Variants in CCT8 observed in about 807,000 individuals in gnomAD.
The protein encoded by CCT8 is T-complex protein 1 subunit theta.
CCT8 carries 10 observed loss-of-function variants against 65.7 expected under a neutral mutation model. The ratio of observed to expected loss-of-function variants is 0.15; its 90% CI spans 0.09 to 0.26. The LOEUF (loss-of-function observed/expected upper bound fraction) is 0.26, where lower values mean the gene tolerates loss of function less well. Among genes scored for constraint, CCT8 ranks in the 10% least tolerant of loss-of-function variants. The probability of loss-of-function intolerance (pLI) is 1.00; values close to 1 mark genes in which losing one functional copy is unlikely to be tolerated. For synonymous variants in CCT8, 199 were observed against 221.8 expected (o/e 0.90, Z 0.92); for missense variants, 568 against 669.1 (o/e 0.85, Z 1.67).
chr21:29,073,297 T>G, intron 1 of CCT8: 1 of 1,402,438 alleles, frequency 7.1e-7, no homozygotes, highest in Non-Finnish European at 9.3e-7. Context: ...AGGTGTACAA[T>G]GTCGATCGTG....
chr21:29,067,979 CCATAT>C (rs2085642397), intron 3 of CCT8, among the ~76,000 whole-genome samples: 2 of 152,130 alleles, frequency 1.3e-5, no homozygotes, highest in Non-Finnish European at 1.5e-5. Flanking sequence ...ATATGTTTCA[CCATAT>C]CATATTTCAC....
chr21:29,067,557 T>G lies in CCT8; in HGVS notation c.380A>C (p.Glu127Ala). ...ELLRIGLSVS[E>A]VIEGYEIACR... ...AGTAAATTATAAATGAACACTTGCC[T>G]CTGAAACTGACAGGCCAATCCTCAG... The change falls in exon 4 of 15, where the codon GAG becomes GCG. Residue 127 changes from glutamate (E) to alanine (A), a missense_variant and splice_region_variant. By Grantham distance (107) the Glu-to-Ala change is moderately radical. Transcript: ENST00000286788. 1 of 1,460,596 alleles carries G rather than the reference T, an allele frequency of 6.8e-7. No homozygotes were observed. The highest frequency in any genetic ancestry group is 9.0e-7 in the Non-Finnish European group (1 of 1,111,682). 90.5% of individuals were successfully genotyped at this position (1,460,596 alleles called of 1,614,324 possible). A position where few individuals can be genotyped will look rare whatever the true frequency, so the allele number is the denominator to read the frequency against.
At chr21:29,066,862 G>A in intron 5 of CCT8, 29 bp downstream of exon 5, 1 of 1,586,082 alleles carries the variant, frequency 6.3e-7, no homozygotes, top group Non-Finnish European at 8.6e-7. Flanking sequence ...TTTTATTTTG[G>A]ATCTTTTCAT....
At chr21:29,066,822 A>G (rs1415404041) in intron 5 of CCT8, 45 bp from the exon 6 acceptor site, 1 of 1,579,032 alleles carries the variant, frequency 6.3e-7, no homozygotes, top group Non-Finnish European at 8.6e-7. Flanking sequence ...TTGGGACAAC[A>G]GAGAAAGTAT....
rs1317404230 is a variant in CCT8, at chr21:29,067,719, T to A, written c.232-14A>T. Reference sequence around the variant, plus strand: ...AGGATGCTGTACCTAGTAGAAAAGGTAATATCAAGTTAAACATCTGATCCT... The same window carrying A: ...AGGATGCTGTACCTAGTAGAAAAGGAAATATCAAGTTAAACATCTGATCCT... On this transcript the variant is annotated splice_polypyrimidine_tract_variant and intron_variant, in intron 3 of 14. Coordinates refer to ENST00000286788, the MANE Select transcript of CCT8 (RefSeq NM_006585.4). 1 of 1,338,920 alleles carries A rather than the reference T, an allele frequency of 7.5e-7. No individual in the cohort carries two copies. Among genetic ancestry groups the A allele is most frequent in the East Asian group, 2.8e-5 (1 of 35,798 alleles). The allele number at this position is 1,338,920 out of a possible 1,614,324, so 82.9% of individuals were successfully genotyped here. A position where few individuals can be genotyped will look rare whatever the true frequency, so the allele number is the denominator to read the frequency against.
At position 29,062,330 on chromosome 21, in the gene CCT8, T is replaced by G. The variant is rs1464754822; in HGVS notation, c.1094A>C (p.His365Pro). 6.2e-7 allele frequency: 1 copy of G among 1,612,732 alleles called. No individual in the cohort carries two copies. Among genetic ancestry groups the G allele is most frequent in the Admixed American group, 1.7e-5 (1 of 60,034 alleles). The change falls in exon 10 of 15, where the codon CAT becomes CCT. Residue 365 changes from histidine to proline, a missense_variant and splice_region_variant. Transcript: ENST00000286788. ...CATGTTTTACCATTCCTACATACCATGCTTAAAAACCACCACCTGAGTATC... is the reference window on the plus strand; with the variant it reads ...CATGTTTTACCATTCCTACATACCAGGCTTAAAAACCACCACCTGAGTATC... ...VGDTQVVVFK[H>P]EKEDGAISTI...
chr21:29,061,876 AAAC>A (rs2085567939), intron 11 of CCT8, among the ~76,000 whole-genome samples: 1 of 152,210 alleles, frequency 6.6e-6, no homozygotes, highest in African/African-American at 2.4e-5. Context: ...TTACAATGGA[AAAC>A]AACGATAAAC....
chr21:29,071,374 G>A (rs1242743982), intron 1 of CCT8, among the ~76,000 whole-genome samples: 1 of 151,852 alleles, frequency 6.6e-6, no homozygotes, highest in African/African-American at 2.4e-5. Flanking sequence ...CCAAAACCAA[G>A]GTTAATAGCC....
At chr21:29,068,553 A>T (rs1372113713) in intron 3 of CCT8, among the ~76,000 whole-genome samples, 1 of 151,950 alleles carries the variant, frequency 6.6e-6, no homozygotes, top group African/African-American at 2.4e-5. Flanking sequence ...TCCGCCTCCC[A>T]GGTTCAAGCA....
intron 11 of CCT8, 85 bp from the exon 12 acceptor site, chr21:29,061,652 A>G: frequency 1.6e-6 from 2 of 1,252,678 alleles, no homozygotes; most frequent in Non-Finnish European, 2.3e-6. Context: ...ATCTTTTCAC[A>G]TTCCAGTACC....
chr21:29,068,523 G>C (rs918600708), intron 3 of CCT8, among the ~76,000 whole-genome samples: 1 of 151,876 alleles, frequency 6.6e-6, no homozygotes, highest in Admixed American at 6.6e-5. Flanking sequence ...GCAGTGGCGC[G>C]ATCTTGGCTC....
chr21:29,062,965 C>G (rs2085580811), intron 8 of CCT8: 1 of 317,502 alleles, frequency 3.1e-6, no homozygotes, highest in African/African-American at 2.1e-5. Context: ...TTATTAGGTA[C>G]TAGGGATGGT....
rs901693513 is a variant in CCT8 at position 29,062,569 on chromosome 21, C to G, written c.942-13G>C. 1.2e-6 allele frequency: 2 copies of G among 1,607,728 alleles called. No homozygotes were observed. Among genetic ancestry groups the G allele is most frequent in the Non-Finnish European group, 8.5e-7 (1 of 1,175,678 alleles). On this transcript the variant is annotated splice_polypyrimidine_tract_variant and intron_variant, in intron 8 of 14. Transcript: ENST00000286788. ...TTTTGAGTTTAGCCTTTAAAAAACA[C>G]AAAGACCTTAATAAAAGTTTTAATC...
intron 6 of CCT8, 25 bp from the exon 7 acceptor site, chr21:29,065,130 T>A: frequency 6.2e-6 from 10 of 1,608,786 alleles, no homozygotes; most frequent in Non-Finnish European, 8.5e-6. Flanking sequence ...ACCAAACTCA[T>A]CAGCAATCTC....
Position 29,061,696 on chromosome 21 carries a change from C to T in CCT8, c.1213-129G>A, listed in dbSNP as rs554254373. On this transcript the variant is annotated intron_variant, in intron 11 of 14. Coordinates refer to ENST00000286788, the MANE Select transcript of CCT8 (RefSeq NM_006585.4). ...CAGGAGTTTTTATCAGTCATTGTTACTCAAATACATATTACAAATTTGGTA... is the reference window on the plus strand; with the variant it reads ...CAGGAGTTTTTATCAGTCATTGTTATTCAAATACATATTACAAATTTGGTA... The T allele has an allele frequency of 9.5e-5, 87 of 914,680 alleles. No individual in the cohort carries two copies. The East Asian group carries it at 2.0e-3, about 21-fold the overall frequency. 56.7% of individuals were successfully genotyped at this position (914,680 alleles called of 1,614,324 possible).
chr21:29,071,336 T>G (rs1012361875), intron 1 of CCT8, among the ~76,000 whole-genome samples: 1 of 152,186 alleles, frequency 6.6e-6, no homozygotes, highest in Non-Finnish European at 1.5e-5. Flanking sequence ...ATAGTACTGC[T>G]TTACAATACA....
intron 13 of CCT8, 66 bp from the exon 14 acceptor site, chr21:29,060,726 A>G: frequency 6.5e-7 from 1 of 1,547,794 alleles, no homozygotes; most frequent in Non-Finnish European, 8.9e-7. Context: ...ACACCCACAA[A>G]AAGCCTCACA....
At chr21:29,064,442 A>C (rs2085599079) in intron 7 of CCT8, among the ~76,000 whole-genome samples, 2 of 150,718 alleles carry the variant, frequency 1.3e-5, no homozygotes, top group South Asian at 2.1e-4. Context: ...AAAAAGAATA[A>C]AATACAATAA....
rs1421888000 is a variant in CCT8 at position 29,056,412 on chromosome 21, T to C, written c.*63A>G. On this transcript the variant is annotated 3_prime_UTR_variant, in exon 15 of 15. Coordinates refer to ENST00000286788, the MANE Select transcript of CCT8 (RefSeq NM_006585.4). The stretch of plus-strand genomic sequence containing the variant: ...TTAATTTAAGGAGAATAAGAAAACA[T>C]CAGGTGATTCTTGAGTACTACTACA... The C allele has an allele frequency of 3.7e-6, 3 of 800,692 alleles. No homozygotes were observed. Among genetic ancestry groups the C allele is most frequent in the Non-Finnish European group, 3.7e-6 (2 of 534,294 alleles). The allele number at this position is 800,692 out of a possible 1,614,324, so 49.6% of individuals were successfully genotyped here.
Sources: allele counts gnomAD v4.1 joint callset (sites outside exome capture counted in the v4.1 genomes callset), GRCh38; gene constraint gnomAD v4.1.1; transcripts MANE v1.5; gene names NCBI Gene and HGNC (gene_info 2026-07-23, HGNC 2026-07-21).